The following DPY19L2 variants were observed in gnomAD, a reference collection of about 807,000 sequenced individuals.
DPY19L2 encodes probable C-mannosyltransferase DPY19L2.
In DPY19L2, 34 loss-of-function variants were observed where a neutral mutation model predicts 97.9. That is an observed-to-expected ratio of 0.35 (90% CI 0.26 to 0.46). DPY19L2 has a LOEUF of 0.46. Among genes scored for constraint, DPY19L2 ranks in the 20% least tolerant of loss-of-function variants. The pLI is 1.00. For missense variants in DPY19L2, 623 were observed against 911.4 expected, an observed-to-expected ratio of 0.68 and a Z score of 4.07; for synonymous variants, 230 against 307.9, an observed-to-expected ratio of 0.75 and a Z score of 2.65.
chr12:63,588,040 C>T (rs1424451248), intron 16 of DPY19L2, among the ~76,000 whole-genome samples: 1 of 152,020 alleles, frequency 6.6e-6, no homozygotes, highest in Admixed American at 6.6e-5. Context: ...AATGTATTTA[C>T]TAGGACACAA....
intron 4 of DPY19L2, among the ~76,000 whole-genome samples, chr12:63,656,282 T>G (rs1592750682): frequency 6.6e-6 from 1 of 152,264 alleles, no homozygotes; most frequent in African/African-American, 2.4e-5. Context: ...TGTTGGCTGG[T>G]TTTGTTCTCA....
At chr12:63,664,291 C>T (rs1446831126) in intron 2 of DPY19L2, among the ~76,000 whole-genome samples, 3 of 151,932 alleles carry the variant, frequency 2.0e-5, no homozygotes, top group Non-Finnish European at 4.4e-5. Flanking sequence ...AAGCAGAGAT[C>T]ATGCCACTGC....
chr12:63,609,770 T>G (rs1886645960), intron 11 of DPY19L2, among the ~76,000 whole-genome samples: 2 of 152,132 alleles, frequency 1.3e-5, no homozygotes, highest in South Asian at 4.1e-4. Context: ...ATTCCCAAGT[T>G]TGGGGTGAAA....
In DPY19L2 at chr12:63,582,511, T is replaced by C. The variant is rs924930684; in HGVS notation, c.1620A>G (p.Thr540=). The part of the protein sequence containing the change: ...LLEHSELAFH[T]LQLLVFTALA... ...GGGCAGTAAACACTAACAACTGCAA[T>C]GTGTGAAAAGCCAGCTATAAAACAC... Residue 540 remains threonine, a synonymous_variant, in exon 18 of 22, where the codon ACA becomes ACG. Coordinates refer to ENST00000324472, the MANE Select transcript of DPY19L2 (RefSeq NM_173812.5). 5 of 1,610,016 alleles carry C rather than the reference T, an allele frequency of 3.1e-6. No homozygotes were observed. In the East Asian group the frequency reaches 6.7e-5, roughly 22 times the overall value.
intron 19 of DPY19L2, among the ~76,000 whole-genome samples, chr12:63,577,835 C>T (rs1187386516): frequency 6.6e-6 from 1 of 152,086 alleles, no homozygotes; most frequent in African/African-American, 2.4e-5. Context: ...CTCTCATACA[C>T]TTTTGGTGAA....
intron 12 of DPY19L2, among the ~76,000 whole-genome samples, chr12:63,604,225 T>C (rs1372436902): frequency 6.6e-6 from 1 of 152,204 alleles, no homozygotes; most frequent in Non-Finnish European, 1.5e-5. Flanking sequence ...AATTTTGCCC[T>C]GTAGGTGATG....
At chr12:63,599,316 A>G (rs1884769689) in intron 13 of DPY19L2, among the ~76,000 whole-genome samples, 1 of 152,286 alleles carries the variant, frequency 6.6e-6, no homozygotes, top group East Asian at 1.9e-4. Flanking sequence ...ATCATAAGAC[A>G]TATATAATAA....
At chr12:63,567,352 A>C (rs1036683889) in intron 21 of DPY19L2, among the ~76,000 whole-genome samples, 5 of 151,674 alleles carry the variant, frequency 3.3e-5, no homozygotes, top group Non-Finnish European at 7.4e-5. Context: ...TGTTTTATTT[A>C]TTTTTTGAGT....
intron 6 of DPY19L2, among the ~76,000 whole-genome samples, chr12:63,629,068 G>A (rs1390940196): frequency 3.3e-5 from 5 of 152,004 alleles, no homozygotes; most frequent in Non-Finnish European, 7.4e-5. Context: ...CCATCTGTAC[G>A]TCACCATCAT....
At chr12:63,607,439 A>G (rs1429114829) in intron 12 of DPY19L2, among the ~76,000 whole-genome samples, 3 of 152,200 alleles carry the variant, frequency 2.0e-5, no homozygotes, top group Non-Finnish European at 4.4e-5. Context: ...TAGAACCAAC[A>G]AAGAATAATA....
intron 12 of DPY19L2, among the ~76,000 whole-genome samples, chr12:63,606,958 T>C (rs1886141521): frequency 6.6e-6 from 1 of 152,170 alleles, no homozygotes; most frequent in African/African-American, 2.4e-5. Context: ...TATCTAAAAA[T>C]ACCTTGTTCA....
At chr12:63,631,832 C>G (rs13137982) in intron 6 of DPY19L2, among the ~76,000 whole-genome samples, 1 of 152,106 alleles carries the variant, frequency 6.6e-6, no homozygotes, top group South Asian at 2.1e-4. Flanking sequence ...ATTGGCAAAC[C>G]GAATCCAGCA....
intron 6 of DPY19L2, among the ~76,000 whole-genome samples, chr12:63,627,274 C>T (rs1889717972): frequency 6.6e-6 from 1 of 152,100 alleles, no homozygotes; most frequent in East Asian, 1.9e-4. Context: ...ACTTGAGTCC[C>T]AGAGAAGCAA....
chr12:63,605,532 CGT>C (rs1281952700), intron 12 of DPY19L2, among the ~76,000 whole-genome samples: 1 of 152,102 alleles, frequency 6.6e-6, no homozygotes, highest in African/African-American at 2.4e-5. Context: ...TACACACACA[CGT>C]GTGCACACAC....
intron 6 of DPY19L2, among the ~76,000 whole-genome samples, chr12:63,637,510 T>TA (rs1428180308): frequency 6.6e-6 from 1 of 151,638 alleles, no homozygotes; most frequent in African/African-American, 2.4e-5. Flanking sequence ...ATAGACACAA[T>TA]AAAAAATGAT....
At chr12:63,668,733 C>A, upstream of DPY19L2, 1 of 325,678 alleles carries the variant, frequency 3.1e-6, no homozygotes, top group Admixed American at 4.7e-5. Context: ...CGCGCAGGCC[C>A]CAAGCCCACA....
chr12:63,659,115 T>C (rs1895346848), intron 4 of DPY19L2, among the ~76,000 whole-genome samples: 1 of 152,146 alleles, frequency 6.6e-6, no homozygotes, highest in Admixed American at 6.5e-5. Context: ...GTAAAACTGC[T>C]TTTAATTACA....
intron 21 of DPY19L2, among the ~76,000 whole-genome samples, chr12:63,567,387 C>T (rs183631719): frequency 0.013 from 2,028 of 152,064 alleles, 23 homozygotes; most frequent in Non-Finnish European, 0.02. Flanking sequence ...TGACAACAAG[C>T]ATCTTTAACA....
chr12:63,576,738 A>G (rs1369673594), intron 19 of DPY19L2, among the ~76,000 whole-genome samples: 1 of 151,986 alleles, frequency 6.6e-6, no homozygotes, highest in Non-Finnish European at 1.5e-5. Context: ...CAAAGAAATG[A>G]AAGATCTCTA....
Sources: allele counts gnomAD v4.1 joint callset (sites outside exome capture counted in the v4.1 genomes callset), GRCh38; gene constraint gnomAD v4.1.1; transcripts MANE v1.5; gene names NCBI Gene and HGNC (gene_info 2026-07-23, HGNC 2026-07-21).